The following DPH7 variants were observed in gnomAD, a reference collection of about 807,000 sequenced individuals.
DPH7 encodes diphthamide biosynthesis 7.
A neutral mutation model predicts 41.7 loss-of-function variants in DPH7; 44 were observed. That is an observed-to-expected ratio of 1.05 (90% confidence interval 0.83 to 1.36). The LOEUF is 1.36. Among genes scored for constraint, DPH7 ranks in the 40% most tolerant of loss-of-function variants. The pLI, the probability that DPH7 is intolerant of heterozygous loss-of-function variation, is 0.00. For synonymous variants in DPH7, 275 were observed against 238.0 expected, an observed-to-expected ratio of 1.16 and a Z score of -1.43; for missense variants, 629 against 577.5, an observed-to-expected ratio of 1.09 and a Z score of -0.91.
chr9:137,556,802 GA>G lies in DPH7; in HGVS notation c.950-1155del, dbSNP rs1178303665. 37 of 456,418 alleles carry G rather than the reference GA, an allele frequency of 8.1e-5. No individual in the cohort carries two copies. Among genetic ancestry groups the G allele is most frequent in the Non-Finnish European group, 1.5e-4 (33 of 226,924 alleles). 28.3% of individuals were successfully genotyped at this position (456,418 alleles called of 1,614,324 possible). ...TCAACACGTCCACTCGGGCCAGCAG[GA>G]CCTCTTCTACAGCTTAGGAAAAGGT... On this transcript the variant is annotated intron_variant, in intron 8 of 8. Transcript: ENST00000277540. This position sits in a 1 kb window ranked among gnomAD's most constrained non-coding sequence, Gnocchi z 5.2.
chr9:137,555,976 A>G (rs1458019800), intron 8 of DPH7, among the ~76,000 whole-genome samples: 1 of 152,110 alleles, frequency 6.6e-6, no homozygotes, highest in African/African-American at 2.4e-5. Flanking sequence ...AGAACAAAGG[A>G]GTTTTAGCCA....
In DPH7 at chr9:137,574,204, T is replaced by C. The variant is rs1840981378; in HGVS notation, c.640+4A>G. 6.2e-7 allele frequency: 1 copy of C among 1,613,890 alleles called. No individual in the cohort carries two copies. Among genetic ancestry groups the C allele is most frequent in the East Asian group, 2.2e-5 (1 of 44,886 alleles). On this transcript the variant is annotated splice_donor_region_variant and intron_variant, in intron 5 of 8. Coordinates refer to ENST00000277540, the MANE Select transcript of DPH7 (RefSeq NM_138778.5). ...TCAGAGGTGACCGGTGGAGGAATAC[T>C]GACCTGAATACACAATTTCTGGATG...
Position 137,578,747 on chromosome 9 carries a change from C to A in DPH7, c.31G>T (p.Asp11Tyr). 6.6e-7 allele frequency: 1 copy of A among 1,522,968 alleles called. No homozygotes were observed. Among genetic ancestry groups the A allele is most frequent in the Non-Finnish European group, 8.8e-7 (1 of 1,137,264 alleles). 94.3% of individuals were successfully genotyped at this position (1,522,968 alleles called of 1,614,324 possible). The change falls in exon 1 of 9, where the codon GAC (aspartate) becomes TAC (tyrosine). Residue 11 changes from aspartate to tyrosine, a missense_variant. Transcript: ENST00000277540. ...ACCGAGTCCGCGGTCAGCTCGGTGT[C>A]CACCGTTTGCAGGGCGAAACAGCCC... The part of the protein sequence containing the change: MMGCFALQTV[D>Y]TELTADSVEW...
At chr9:137,557,262 C>T (rs939502137) in intron 8 of DPH7, among the ~76,000 whole-genome samples, 16 of 152,212 alleles carry the variant, frequency 1.1e-4, no homozygotes, top group Non-Finnish European at 2.2e-4. Flanking sequence ...AATCCCAGCA[C>T]TTTGGGAAGC....
At chr9:137,575,442 C>T (rs1433412392) in intron 3 of DPH7, 14 of 988,780 alleles carry the variant, frequency 1.4e-5, no homozygotes, top group Non-Finnish European at 1.3e-5. Flanking sequence ...CCACAGCTTT[C>T]CTGTGGCTGC....
In DPH7 at chr9:137,555,247, C is replaced by G. The variant is rs139961679; in HGVS notation, c.1351G>C (p.Gly451Arg). Residue 451 changes from glycine to arginine, a missense_variant, in exon 9 of 9, where the codon GGG becomes CGG. Transcript: ENST00000277540. Reference sequence around the variant, plus strand: ...GCTTCATGATTTCAAGCTCAGTTCCCCTCCCACTCCCAGAGGTGGAGCGCA... The same window carrying G: ...GCTTCATGATTTCAAGCTCAGTTCCGCTCCCACTCCCAGAGGTGGAGCGCA... ...DHALHLWEWE[G>R]N 42 of 1,594,514 alleles carry G rather than the reference C, an allele frequency of 2.6e-5. No homozygotes were observed. The South Asian group carries it at 4.5e-4, about 17-fold the overall frequency.
rs61028786 is a variant in DPH7 at position 137,573,682 on chromosome 9, C to CAA, written c.640+524_640+525dup. Among the ~76,000 whole-genome samples, 110 of 25,930 alleles carry CAA rather than the reference C, an allele frequency of 4.2e-3. 12 individuals are homozygous for CAA. The highest frequency in any genetic ancestry group is 7.2e-3 in the East Asian group (4 of 556). 17.0% of individuals were successfully genotyped at this position (25,930 alleles called of 152,430 possible). A position where few individuals can be genotyped will look rare whatever the true frequency, so the allele number is the denominator to read the frequency against. On this transcript the variant is annotated intron_variant, in intron 5 of 8. Transcript: ENST00000277540. ...TGGGCAACAGAGTGAGACTCTGTCTCAAAAAAAAAAAAAAAAAAAAAAAAA... is the reference window on the plus strand; with the variant it reads ...TGGGCAACAGAGTGAGACTCTGTCTCAAAAAAAAAAAAAAAAAAAAAAAAAAA...
chr9:137,578,763 G>T lies in DPH7; in HGVS notation c.15C>A (p.Phe5Leu), dbSNP rs751054772. Residue 5 changes from phenylalanine (F) to leucine (L), a missense_variant, in exon 1 of 9, where the codon TTC becomes TTA. Coordinates refer to ENST00000277540, the MANE Select transcript of DPH7 (RefSeq NM_138778.5). ...GCTCGGTGTCCACCGTTTGCAGGGC[G>T]AAACAGCCCATCATCCAGCCCTCGG... MMGCFALQTVDTELT... is the reference protein window; with the variant it reads MMGCLALQTVDTELT... The T allele has an allele frequency of 2.7e-6, 4 of 1,509,008 alleles. No homozygotes were observed. Among genetic ancestry groups the T allele is most frequent in the East Asian group, 5.5e-5 (2 of 36,600 alleles). 93.5% of individuals were successfully genotyped at this position (1,509,008 alleles called of 1,614,324 possible).
At position 137,574,807 on chromosome 9, in the gene DPH7, G is replaced by C. The variant is rs1452762624; in HGVS notation, c.412C>G (p.Leu138Val). 6.2e-7 allele frequency: 1 copy of C among 1,614,054 alleles called. No individual in the cohort carries two copies. The highest frequency in any genetic ancestry group is 1.3e-5 in the African/African-American group (1 of 75,024). ...GACAAAGCCAGACACTGCTCCTCCA[G>C]GGCAAGGCTGGACAATGGCTCCAGC... The part of the protein sequence containing the change: ...HVLEPLSSLA[L>V]EEQCLALSLD... The change falls in exon 4 of 9, where the codon CTG (leucine) becomes GTG (valine). Residue 138 changes from leucine (L) to valine (V), a missense_variant. Transcript: ENST00000277540.
At position 137,575,609 on chromosome 9, in the gene DPH7, TC is replaced by T. The variant is rs1305299446; in HGVS notation, c.375+470del. The T allele has an allele frequency of 4.0e-6, 4 of 1,011,958 alleles. No homozygotes were observed. In the African/African-American group the frequency reaches 5.1e-5, roughly 13 times the overall value. The allele number at this position is 1,011,958 out of a possible 1,614,324, so 62.7% of individuals were successfully genotyped here. ...GTTTACATCACCCCACTACGGGACA[TC>T]CCCGTTCTCCTCCCCGACAGCTATC... On this transcript the variant is annotated intron_variant, in intron 3 of 8. Coordinates refer to ENST00000277540, the MANE Select transcript of DPH7 (RefSeq NM_138778.5).
chr9:137,562,212 A>C (rs1276882183), intron 8 of DPH7, among the ~76,000 whole-genome samples: 2 of 152,144 alleles, frequency 1.3e-5, no homozygotes, highest in Non-Finnish European at 2.9e-5. Context: ...GTAAGGAACC[A>C]GAAGATCTGA....
At chr9:137,561,152 C>T (rs1340891064) in intron 8 of DPH7, among the ~76,000 whole-genome samples, 1 of 151,984 alleles carries the variant, frequency 6.6e-6, no homozygotes, top group Non-Finnish European at 1.5e-5. Flanking sequence ...TTCAAAGATT[C>T]TCACCACAGA....
At position 137,578,056 on chromosome 9, in the gene DPH7, G is replaced by A. The variant is rs144147162; in HGVS notation, c.154-453C>T. On this transcript the variant is annotated intron_variant, in intron 1 of 8. Coordinates refer to ENST00000277540, the MANE Select transcript of DPH7 (RefSeq NM_138778.5). The stretch of plus-strand genomic sequence containing the variant: ...AAGTTGGCCGGGGGCGGTGGCTCGT[G>A]CCTGTGGTGCCAGCTACTCAGGGGG... 495 of 932,558 alleles carry A rather than the reference G, an allele frequency of 5.3e-4. 2 individuals carry two copies. In the African/African-American group the frequency reaches 8.1e-3, roughly 15 times the overall value. The allele number at this position is 932,558 out of a possible 1,614,324, so 57.8% of individuals were successfully genotyped here.
rs1300327181 is a variant in DPH7 at position 137,575,864 on chromosome 9, C to G, written c.375+216G>C. The G allele has an allele frequency of 2.9e-6, 4 of 1,375,892 alleles. No individual in the cohort carries two copies. In the Admixed American group the frequency reaches 9.0e-5, roughly 31 times the overall value. 85.2% of individuals were successfully genotyped at this position (1,375,892 alleles called of 1,614,324 possible). A position where few individuals can be genotyped will look rare whatever the true frequency, so the allele number is the denominator to read the frequency against. On this transcript the variant is annotated intron_variant, in intron 3 of 8. Coordinates refer to ENST00000277540, the MANE Select transcript of DPH7 (RefSeq NM_138778.5). ...CAATGAACATCCTGTCACTTCAGCC[C>G]TTCTGCTGGTGACACATGAGGTGAC...
At chr9:137,575,156 C>G in intron 3 of DPH7, 1 of 1,082,536 alleles carries the variant, frequency 9.2e-7, no homozygotes, top group Non-Finnish European at 1.1e-6. Context: ...GTCGAGATGC[C>G]TGTGCAGGCT....
chr9:137,576,031 T>A, intron 3 of DPH7, 49 bp downstream of exon 3: 2 of 1,612,034 alleles, frequency 1.2e-6, no homozygotes, highest in Non-Finnish European at 1.7e-6. Flanking sequence ...TCCCCAACCC[T>A]CTCTATTCAG....
Position 137,578,711 on chromosome 9 carries a change from G to T in DPH7, c.67C>A (p.Pro23Thr). ...AGCAGGTGCCTGCAGCCTTGCAGCGGGCACCACTCCACCGAGTCCGCGGTC... is the reference window on the plus strand; with the variant it reads ...AGCAGGTGCCTGCAGCCTTGCAGCGTGCACCACTCCACCGAGTCCGCGGTC... ...ELTADSVEWC[P>T]LQGCRHLLAC... Residue 23 changes from proline to threonine, a missense_variant, in exon 1 of 9, where the codon CCG becomes ACG. Transcript: ENST00000277540. 6.5e-7 allele frequency: 1 copy of T among 1,532,492 alleles called. No homozygotes were observed. Among genetic ancestry groups the T allele is most frequent in the Non-Finnish European group, 8.8e-7 (1 of 1,140,952 alleles). 94.9% of individuals were successfully genotyped at this position (1,532,492 alleles called of 1,614,324 possible). A position where few individuals can be genotyped will look rare whatever the true frequency, so the allele number is the denominator to read the frequency against.
In DPH7 at chr9:137,555,210, T is replaced by C; in HGVS notation, c.*29A>G. On this transcript the variant is annotated 3_prime_UTR_variant, in exon 9 of 9. Transcript: ENST00000277540. ...ACTCGCAGTCTCCCTCCTGGTTTCC[T>C]TGTGGGAAGGGGCTTCATGATTTCA... The C allele has an allele frequency of 6.4e-7, 1 of 1,559,610 alleles. No homozygotes were observed. Among genetic ancestry groups the C allele is most frequent in the East Asian group, 2.3e-5 (1 of 44,370 alleles).
chr9:137,575,874 T>C, intron 3 of DPH7: 2 of 1,385,876 alleles, frequency 1.4e-6, no homozygotes, highest in Non-Finnish European at 1.9e-6. Context: ...CTTCTGCTGG[T>C]GACACATGAG....
Sources: allele counts gnomAD v4.1 joint callset (sites outside exome capture counted in the v4.1 genomes callset), GRCh38; gene constraint gnomAD v4.1.1; non-coding constraint Gnocchi (gnomAD v3.1); transcripts MANE v1.5; gene names NCBI Gene and HGNC (gene_info 2026-07-23, HGNC 2026-07-21).